Variants in PTPRS observed in about 807,000 individuals in gnomAD.
The protein encoded by PTPRS is receptor-type tyrosine-protein phosphatase S.
A neutral mutation model predicts 215.3 loss-of-function variants in PTPRS; 63 were observed. That is an observed-to-expected ratio of 0.29 (90% confidence interval 0.24 to 0.36). PTPRS has a LOEUF of 0.36. Ranked by LOEUF, PTPRS falls within the 10% of genes least tolerant of loss-of-function variation. The pLI, the probability that PTPRS is intolerant of heterozygous loss-of-function variation, is 1.00. For missense variants in PTPRS, 2,258 were observed against 2,825.8 expected (o/e 0.80, Z 4.56); for synonymous variants, 1,404 against 1,191.4 (o/e 1.18, Z -3.68).
chr19:5,216,861 C>A, intron 25 of PTPRS, 94 bp from the exon 26 acceptor site: 1 of 820,484 alleles, frequency 1.2e-6, no homozygotes, highest in Non-Finnish European at 2.0e-6. Flanking sequence ...CTGGCGGATG[C>A]AAAGGGCAGA....
rs148231116 is a variant in PTPRS at position 5,269,090 on chromosome 19, CCT to C, written c.380-3896_380-3895del. ...CCACAGCTGGGTCTGTCGGCATCCC[CCT>C]GTGTGTCTATGCATGCTCGTGTGCC... is the stretch of plus-strand genomic sequence containing the variant. On this transcript the variant is annotated intron_variant, in intron 4 of 37. Coordinates refer to ENST00000262963, the MANE Select transcript of PTPRS (RefSeq NM_002850.4). Among the ~76,000 whole-genome samples the C allele has an allele frequency of 3.7e-3, 556 of 152,294 alleles. 3 individuals carry two copies. Among genetic ancestry groups the C allele is most frequent in the African/African-American group, 0.012 (496 of 41,572 alleles).
At chr19:5,249,950 A>G (rs1457870616) in intron 9 of PTPRS, among the ~76,000 whole-genome samples, 1 of 152,202 alleles carries the variant, frequency 6.6e-6, no homozygotes, top group African/African-American at 2.4e-5. Context: ...CATAATTTGC[A>G]AGGTACCTTT....
chr19:5,206,580 GA>G lies in PTPRS; in HGVS notation c.*193del. ...TTTGAAGGCGGCGGCCGGTGCCAGGGAGGTCGCTGGGGCGGCCGGGGCCGGT... is the reference window on the plus strand; with the variant it reads ...TTTGAAGGCGGCGGCCGGTGCCAGGGGGTCGCTGGGGCGGCCGGGGCCGGT... On this transcript the variant is annotated 3_prime_UTR_variant, in exon 38 of 38. Coordinates refer to ENST00000262963, the MANE Select transcript of PTPRS (RefSeq NM_002850.4). 1 of 543,624 alleles carries G rather than the reference GA, an allele frequency of 1.8e-6. No homozygotes were observed. The highest frequency in any genetic ancestry group is 3.3e-5 in the East Asian group (1 of 30,652). The allele number at this position is 543,624 out of a possible 1,614,324, so 33.7% of individuals were successfully genotyped here.
chr19:5,327,295 G>A (rs569096802), intron 1 of PTPRS, among the ~76,000 whole-genome samples: 1 of 152,280 alleles, frequency 6.6e-6, no homozygotes, highest in South Asian at 2.1e-4. Flanking sequence ...TGTATTTTAT[G>A]ATATCTTAGC....
chr19:5,284,990 A>G (rs1214297594), intron 2 of PTPRS, among the ~76,000 whole-genome samples: 1 of 152,162 alleles, frequency 6.6e-6, no homozygotes, highest in African/African-American at 2.4e-5. Flanking sequence ...TGAAAATAAG[A>G]AAAAGCGCAA....
At chr19:5,221,385 A>C in intron 19 of PTPRS, 132 bp from the exon 20 acceptor site, 5 of 1,172,364 alleles carry the variant, frequency 4.3e-6, no homozygotes, top group Non-Finnish European at 5.8e-6. Flanking sequence ...GAAATCTAAC[A>C]CTGACTGATC....
At chr19:5,208,521 GC>G in intron 35 of PTPRS, 130 bp from the exon 36 acceptor site, 2 of 985,710 alleles carry the variant, frequency 2.0e-6, no homozygotes, top group African/African-American at 3.3e-5. Context: ...CACTCTTGTC[GC>G]CCAGGTTGGA....
chr19:5,263,297 ATTTGTCCC>A (rs1381700103), intron 5 of PTPRS, among the ~76,000 whole-genome samples: 8 of 152,074 alleles, frequency 5.3e-5, no homozygotes, highest in African/African-American at 1.9e-4. Context: ...ATAGGAGGCG[ATTTGTCCC>A]CCCAGTGTGA....
At chr19:5,337,159 G>A (rs2050531338) in intron 1 of PTPRS, among the ~76,000 whole-genome samples, 1 of 152,210 alleles carries the variant, frequency 6.6e-6, no homozygotes, top group African/African-American at 2.4e-5. Context: ...GTAGCAGGGG[G>A]AAGGAATTGC....
chr19:5,257,532 G>A lies in PTPRS; in HGVS notation c.706+485C>T. 1 of 450,030 alleles carries A rather than the reference G, an allele frequency of 2.2e-6. No individual in the cohort carries two copies. Among genetic ancestry groups the A allele is most frequent in the Non-Finnish European group, 4.5e-6 (1 of 223,930 alleles). The allele number at this position is 450,030 out of a possible 1,614,324, so 27.9% of individuals were successfully genotyped here. On this transcript the variant is annotated intron_variant, in intron 8 of 37. Transcript: ENST00000262963. This position sits in a 1 kb window ranked among gnomAD's most constrained non-coding sequence, Gnocchi z 4.4. ...GACCCCTCCTCAACTTCTAGATTGA[G>A]GGCCCTGGATTAGGGGGGGCAGTGA...
At chr19:5,296,596 T>G (rs2049141172) in intron 1 of PTPRS, among the ~76,000 whole-genome samples, 1 of 151,808 alleles carries the variant, frequency 6.6e-6, no homozygotes, top group Non-Finnish European at 1.5e-5. Flanking sequence ...TGAAAGAGGA[T>G]TCCAGGCAGA....
Position 5,307,385 on chromosome 19 carries a change from G to A in PTPRS, c.-94-21151C>T, listed in dbSNP as rs1037647455. ...TACAAGAGGTCAAATAATGATCGAA[G>A]AGATTAGTATCTTAGTGTTATGAGA... On this transcript the variant is annotated intron_variant, in intron 1 of 37. Transcript: ENST00000262963. Among the ~76,000 whole-genome samples the A allele has an allele frequency of 5.3e-5, 8 of 152,224 alleles. No homozygotes were observed. In the South Asian group the frequency reaches 1.5e-3, roughly 28 times the overall value.
chr19:5,206,919 A>T, intron 37 of PTPRS, 77 bp from the exon 38 acceptor site: 6 of 1,341,646 alleles, frequency 4.5e-6, no homozygotes, highest in Non-Finnish European at 6.4e-6. Flanking sequence ...CCTCAGGAGC[A>T]GGCCAAGCTC....
At chr19:5,334,928 C>T (rs2050444506) in intron 1 of PTPRS, among the ~76,000 whole-genome samples, 2 of 152,212 alleles carry the variant, frequency 1.3e-5, no homozygotes, top group African/African-American at 4.8e-5. Context: ...TGGCACGGGG[C>T]GCCAACTCTA....
At chr19:5,282,711 A>C (rs2047962452) in intron 2 of PTPRS, among the ~76,000 whole-genome samples, 3 of 151,836 alleles carry the variant, frequency 2.0e-5, no homozygotes, top group Admixed American at 2.0e-4. Flanking sequence ...CTGAGGCAGG[A>C]GAACTGCTTG....
intron 1 of PTPRS, among the ~76,000 whole-genome samples, chr19:5,306,293 C>T (rs1304270894): frequency 1.3e-5 from 2 of 151,840 alleles, no homozygotes; most frequent in Non-Finnish European, 2.9e-5. Flanking sequence ...CACAGGCGTG[C>T]GCCACCACGC....
intron 1 of PTPRS, among the ~76,000 whole-genome samples, chr19:5,305,222 T>G (rs548595874): frequency 3.5e-4 from 53 of 152,286 alleles, no homozygotes; most frequent in Non-Finnish European, 6.3e-4. Flanking sequence ...TTTCCCACCA[T>G]CCAGGCACAC....
rs189011958 is a variant in PTPRS at position 5,207,645 on chromosome 19, G to A, written c.5778+277C>T. On this transcript the variant is annotated intron_variant, in intron 37 of 37. Transcript: ENST00000262963. ...TTGGGGGTCAGTGGTTCTTGGCAGGGTCCAGGCTGAGCCACAGACTTGCTG... is the reference window on the plus strand; with the variant it reads ...TTGGGGGTCAGTGGTTCTTGGCAGGATCCAGGCTGAGCCACAGACTTGCTG... Among the ~76,000 whole-genome samples the A allele has an allele frequency of 3.9e-4, 59 of 152,328 alleles. No homozygotes were observed. The East Asian group carries it at 6.8e-3, about 17-fold the overall frequency.
intron 16 of PTPRS, among the ~76,000 whole-genome samples, chr19:5,227,989 C>T (rs1198456454): frequency 6.6e-6 from 1 of 152,020 alleles, no homozygotes; most frequent in Non-Finnish European, 1.5e-5. Context: ...TAGACCCAGG[C>T]CAAGGGGATA....
Sources: gnomAD v4.1 joint callset for allele counts (sites outside exome capture counted in the v4.1 genomes callset) on GRCh38, gnomAD v4.1.1 for gene constraint, Gnocchi (gnomAD v3.1) non-coding constraint, MANE v1.5 for transcripts, NCBI Gene and HGNC (gene_info 2026-07-23, HGNC 2026-07-21) for gene names.